The following BNC2 variants were observed in gnomAD, a reference collection of about 807,000 sequenced individuals.
BNC2 encodes basonuclin zinc finger protein 2.
Under a neutral mutation model 76.3 loss-of-function variants are expected in BNC2, and 20 were observed. The observed-to-expected ratio is 0.26, with a 90% CI of 0.18 to 0.38. The LOEUF (loss-of-function observed/expected upper bound fraction) is 0.38. Ranked by LOEUF, BNC2 falls within the 10% of genes least tolerant of loss-of-function variation. The pLI is 1.00. For missense variants in BNC2, 1,382 were observed against 1,399.8 expected (o/e 0.99, Z 0.20); for synonymous variants, 582 against 514.8 (o/e 1.13, Z -1.77).
At chr9:16,592,834 G>A (rs1394218489) in intron 3 of BNC2, among the ~76,000 whole-genome samples, 1 of 152,068 alleles carries the variant, frequency 6.6e-6, no homozygotes, top group Non-Finnish European at 1.5e-5. Flanking sequence ...ATACACAAAT[G>A]CTAAGTGAGT....
chr9:16,443,945 G>C (rs1359704031), intron 5 of BNC2, among the ~76,000 whole-genome samples: 1 of 152,158 alleles, frequency 6.6e-6, no homozygotes, highest in Non-Finnish European at 1.5e-5. Context: ...CTTAAAATTG[G>C]CGGATTTTAT....
chr9:16,695,534 T>A (rs12344356), intron 3 of BNC2, among the ~76,000 whole-genome samples: 16,101 of 88,566 alleles, frequency 0.18, 1,125 homozygotes, highest in Admixed American at 0.31. Context: ...TCTTTTTCTT[T>A]CTTTTTTTTT....
intron 3 of BNC2, among the ~76,000 whole-genome samples, chr9:16,588,100 G>A (rs143024451): frequency 1.3e-5 from 2 of 152,132 alleles, no homozygotes; most frequent in Admixed American, 1.3e-4. Flanking sequence ...CTCTGAGCCC[G>A]CTTCCTCATC....
chr9:16,478,132 C>T (rs10962438), intron 5 of BNC2, among the ~76,000 whole-genome samples: 1,835 of 152,264 alleles, frequency 0.012, 38 homozygotes, highest in African/African-American at 0.041. Context: ...TTCCACTGGG[C>T]TGAAATCTGC....
intron 5 of BNC2, among the ~76,000 whole-genome samples, chr9:16,528,557 A>G (rs1440806929): frequency 3.9e-5 from 6 of 152,214 alleles, no homozygotes; most frequent in South Asian, 2.1e-4. Flanking sequence ...AAATATTCCT[A>G]TCAAAGTGGC....
chr9:16,518,314 G>A (rs1253169683), intron 5 of BNC2, among the ~76,000 whole-genome samples: 1 of 151,910 alleles, frequency 6.6e-6, no homozygotes, highest in Non-Finnish European at 1.5e-5. Flanking sequence ...TGCACCTGTG[G>A]TCCCAGCTAC....
At chr9:16,789,407 G>A in intron 1 of BNC2, among the ~76,000 whole-genome samples, 1 of 152,102 alleles carries the variant, frequency 6.6e-6, no homozygotes, top group Non-Finnish European at 1.5e-5. Context: ...AAACCCTATA[G>A]ACCCTCCCCA....
At chr9:16,821,407 A>G (rs2135947340) in intron 1 of BNC2, among the ~76,000 whole-genome samples, 1 of 152,304 alleles carries the variant, frequency 6.6e-6, no homozygotes, top group Non-Finnish European at 1.5e-5. Context: ...ATAACTTAAT[A>G]ATGCTTACCT....
chr9:16,647,108 T>C (rs547901611), intron 3 of BNC2, among the ~76,000 whole-genome samples: 27 of 152,324 alleles, frequency 1.8e-4, no homozygotes, highest in Non-Finnish European at 3.1e-4. Context: ...ATATTTCCCA[T>C]GTACACTCAT....
At chr9:16,616,911 T>C (rs1300755841) in intron 3 of BNC2, among the ~76,000 whole-genome samples, 2 of 152,124 alleles carry the variant, frequency 1.3e-5, no homozygotes, top group African/African-American at 4.8e-5. Flanking sequence ...CCTCTTGTTT[T>C]GAACCATTCT....
intron 5 of BNC2, among the ~76,000 whole-genome samples, chr9:16,462,247 A>G (rs1291305696): frequency 6.6e-6 from 1 of 152,226 alleles, no homozygotes; most frequent in Non-Finnish European, 1.5e-5. Flanking sequence ...TATTAAAGCC[A>G]GTTAGAACAT....
intron 5 of BNC2, among the ~76,000 whole-genome samples, chr9:16,529,109 C>G (rs903191779): frequency 1.3e-5 from 2 of 152,146 alleles, no homozygotes; most frequent in African/African-American, 2.4e-5. Flanking sequence ...ATATCTTACA[C>G]GGATACACAG....
chr9:16,542,703 T>C (rs185617550), intron 5 of BNC2, among the ~76,000 whole-genome samples: 1 of 152,324 alleles, frequency 6.6e-6, no homozygotes, highest in Non-Finnish European at 1.5e-5. Context: ...TGGTCACTCA[T>C]TCTCCTAGCA....
chr9:16,717,742 G>T (rs1824031993), intron 3 of BNC2, among the ~76,000 whole-genome samples: 1 of 152,096 alleles, frequency 6.6e-6, no homozygotes, highest in African/African-American at 2.4e-5. Flanking sequence ...ACTCTATTAA[G>T]CCTACTTTGA....
At chr9:16,456,181 G>A (rs1007844188) in intron 5 of BNC2, among the ~76,000 whole-genome samples, 1 of 152,098 alleles carries the variant, frequency 6.6e-6, no homozygotes, top group African/African-American at 2.4e-5. Flanking sequence ...ATGAAAAGAA[G>A]GTGGAAAACA....
chr9:16,689,387 G>GC (rs1312943396), intron 3 of BNC2, among the ~76,000 whole-genome samples: 1 of 152,076 alleles, frequency 6.6e-6, no homozygotes, highest in African/African-American at 2.4e-5. Context: ...AGTCAGGGAT[G>GC]CCCCCTGCAG....
intron 4 of BNC2, among the ~76,000 whole-genome samples, chr9:16,580,748 C>T (rs1234245868): frequency 1.3e-5 from 2 of 152,086 alleles, no homozygotes; most frequent in East Asian, 1.9e-4. Context: ...ATAAATGAAA[C>T]GCCTTTGTTC....
intron 3 of BNC2, among the ~76,000 whole-genome samples, chr9:16,647,578 G>T (rs538015106): frequency 6.6e-6 from 1 of 152,204 alleles, no homozygotes; most frequent in Non-Finnish European, 1.5e-5. Context: ...AGTGTAAGAT[G>T]ACAATGACTT....
At chr9:16,784,344 T>G (rs2135576525) in intron 1 of BNC2, among the ~76,000 whole-genome samples, 1 of 152,330 alleles carries the variant, frequency 6.6e-6, no homozygotes, top group South Asian at 2.1e-4. Flanking sequence ...ATACTACCAC[T>G]ACTAAAAGTA....
Sources: allele counts gnomAD v4.1 joint callset (sites outside exome capture counted in the v4.1 genomes callset), GRCh38; gene constraint gnomAD v4.1.1; transcripts MANE v1.5; gene names NCBI Gene and HGNC (gene_info 2026-07-23, HGNC 2026-07-21).